Variants in SCN11A observed in about 807,000 individuals in gnomAD.
The protein encoded by SCN11A is sodium voltage-gated channel alpha subunit 11.
A neutral mutation model predicts 162.2 loss-of-function variants in SCN11A; 122 were observed. The ratio of observed to expected loss-of-function variants is 0.75; its 90% CI spans 0.65 to 0.87. The LOEUF (loss-of-function observed/expected upper bound fraction) is 0.87. Among genes scored for constraint, SCN11A ranks in the 40% least tolerant of loss-of-function variants. SCN11A has a pLI of 0.00. For synonymous variants in SCN11A, 758 were observed against 751.5 expected, an observed-to-expected ratio of 1.01 and a Z score of -0.14; for missense variants, 2,015 against 2,181.6, an observed-to-expected ratio of 0.92 and a Z score of 1.52.
chr3:39,012,698 C>T (rs1208643574), intron 2 of SCN11A, among the ~76,000 whole-genome samples: 1 of 152,180 alleles, frequency 6.6e-6, no homozygotes, highest in Non-Finnish European at 1.5e-5. Flanking sequence ...TGGTCTCAAA[C>T]TCCTGACTTC....
intron 1 of SCN11A, among the ~76,000 whole-genome samples, chr3:39,040,347 A>G (rs73064287): frequency 0.1 from 15,804 of 152,268 alleles, 1,047 homozygotes; most frequent in East Asian, 0.22. Flanking sequence ...ACCTTATGCA[A>G]TCAACACTAC....
chr3:38,938,174 G>T (rs2066367766), intron 7 of SCN11A, among the ~76,000 whole-genome samples: 1 of 151,870 alleles, frequency 6.6e-6, no homozygotes, highest in South Asian at 2.1e-4. Flanking sequence ...GGTGGGAATT[G>T]AACAATGAGA....
At chr3:38,937,737 G>C (rs1016390779) in intron 7 of SCN11A, among the ~76,000 whole-genome samples, 2 of 152,230 alleles carry the variant, frequency 1.3e-5, no homozygotes, top group African/African-American at 4.8e-5. Context: ...GTTCTGGAGA[G>C]GATGTGGAGA....
intron 28 of SCN11A, among the ~76,000 whole-genome samples, chr3:38,860,549 A>G (rs1443725248): frequency 6.6e-6 from 1 of 152,226 alleles, no homozygotes; most frequent in Non-Finnish European, 1.5e-5. Context: ...ACCATGATCA[A>G]GCAGGTTTTA....
At chr3:38,887,530 T>C (rs1214460756) in intron 19 of SCN11A, among the ~76,000 whole-genome samples, 3 of 151,702 alleles carry the variant, frequency 2.0e-5, no homozygotes, top group East Asian at 3.9e-4. Context: ...GGCATATGTA[T>C]ACATATGTAA....
intron 1 of SCN11A, among the ~76,000 whole-genome samples, chr3:39,051,317 C>G (rs536342371): frequency 2.6e-5 from 4 of 152,162 alleles, no homozygotes; most frequent in African/African-American, 7.2e-5. Flanking sequence ...TGTTGTCCCC[C>G]TCTTTTGTGT....
intron 2 of SCN11A, among the ~76,000 whole-genome samples, chr3:38,966,858 T>G (rs1184769982): frequency 6.6e-6 from 1 of 152,238 alleles, no homozygotes; most frequent in Non-Finnish European, 1.5e-5. Context: ...ACTTTCATGT[T>G]TCAAAATTAT....
chr3:38,963,642 G>GT (rs1357345065), intron 2 of SCN11A, among the ~76,000 whole-genome samples: 3 of 151,722 alleles, frequency 2.0e-5, no homozygotes, highest in African/African-American at 7.3e-5. Flanking sequence ...ACTGAACATC[G>GT]TATGTTCTCA....
chr3:39,050,066 C>T (rs2032286885), intron 1 of SCN11A, among the ~76,000 whole-genome samples: 1 of 152,232 alleles, frequency 6.6e-6, no homozygotes, highest in South Asian at 2.1e-4. Context: ...TCAATAGACA[C>T]TTAAGCAATT....
chr3:38,929,491 G>A (rs1339831892), intron 7 of SCN11A, among the ~76,000 whole-genome samples: 3 of 152,136 alleles, frequency 2.0e-5, no homozygotes, highest in African/African-American at 4.8e-5. Flanking sequence ...ATGTTGTGCA[G>A]CACTGTGAAT....
intron 5 of SCN11A, among the ~76,000 whole-genome samples, chr3:38,949,822 A>C (rs1483976797): frequency 6.6e-6 from 1 of 152,172 alleles, no homozygotes; most frequent in African/African-American, 2.4e-5. Context: ...TCCTCTTTCC[A>C]GACTTCATTT....
intron 2 of SCN11A, among the ~76,000 whole-genome samples, chr3:38,996,466 T>G (rs1040573908): frequency 1.1e-4 from 16 of 152,202 alleles, no homozygotes; most frequent in Non-Finnish European, 2.2e-4. Flanking sequence ...ACTTCGTGAT[T>G]AGGTGGCTTC....
intron 2 of SCN11A, among the ~76,000 whole-genome samples, chr3:38,990,682 T>C (rs1331813636): frequency 6.6e-6 from 1 of 152,148 alleles, no homozygotes; most frequent in East Asian, 1.9e-4. Flanking sequence ...TTTATATACT[T>C]TAACACATTC....
intron 19 of SCN11A, among the ~76,000 whole-genome samples, chr3:38,890,876 C>T (rs2065488336): frequency 6.6e-6 from 1 of 152,130 alleles, no homozygotes; most frequent in Non-Finnish European, 1.5e-5. Flanking sequence ...GCAGATTCCA[C>T]TAAAATAGTC....
At chr3:38,915,820 T>C (rs1039188944) in intron 11 of SCN11A, among the ~76,000 whole-genome samples, 5 of 152,100 alleles carry the variant, frequency 3.3e-5, no homozygotes, top group African/African-American at 1.2e-4. Context: ...AACAGGTCCA[T>C]TTGGTCCAAT....
intron 11 of SCN11A, among the ~76,000 whole-genome samples, chr3:38,912,279 A>G (rs2065897170): frequency 6.6e-6 from 1 of 152,052 alleles, no homozygotes; most frequent in Non-Finnish European, 1.5e-5. Context: ...ATCAACTTAT[A>G]CAGGTGATTA....
At chr3:38,908,163 T>A in intron 13 of SCN11A, 41 bp from the exon 14 acceptor site, 6 of 1,568,488 alleles carry the variant, frequency 3.8e-6, no homozygotes, top group Non-Finnish European at 5.2e-6. Flanking sequence ...AGATTACACC[T>A]CCTCATGAAA....
chr3:39,032,255 A>C (rs1250004161), intron 2 of SCN11A, among the ~76,000 whole-genome samples, 125 bp downstream of exon 2: 2 of 152,226 alleles, frequency 1.3e-5, no homozygotes, highest in African/African-American at 2.4e-5. Context: ...TATCCAAATT[A>C]ACATATTAAT....
At chr3:38,865,348 T>C (rs1410987494) in intron 27 of SCN11A, among the ~76,000 whole-genome samples, 1 of 152,182 alleles carries the variant, frequency 6.6e-6, no homozygotes, top group African/African-American at 2.4e-5. Flanking sequence ...CAGGTATTGA[T>C]AGCAATCAAG....
Sources: allele counts gnomAD v4.1 joint callset (sites outside exome capture counted in the v4.1 genomes callset), GRCh38; gene constraint gnomAD v4.1.1; transcripts MANE v1.5; gene names NCBI Gene and HGNC (gene_info 2026-07-23, HGNC 2026-07-21).